The following PSMD9 variants were observed in gnomAD, a reference collection of about 807,000 sequenced individuals.
PSMD9 encodes the protein proteasome 26S subunit, non-ATPase 9.
Under a neutral mutation model 25.9 loss-of-function variants are expected in PSMD9, and 26 were observed. The observed-to-expected ratio is 1.00, with a 90% CI of 0.73 to 1.39. The LOEUF is 1.39. Ranked by LOEUF, PSMD9 falls within the 40% of genes most tolerant of loss-of-function variation. The pLI is 0.00. For missense variants in PSMD9, 303 were observed against 299.3 expected (o/e 1.01, Z -0.09); for synonymous variants, 110 against 114.5 (o/e 0.96, Z 0.25).
chr12:121,913,219 C>T (rs1461337880), intron 4 of PSMD9, among the ~76,000 whole-genome samples: 3 of 152,042 alleles, frequency 2.0e-5, no homozygotes, highest in East Asian at 3.9e-4. Flanking sequence ...GCTGGGATTA[C>T]AGGCGTGAGC....
rs1879879146 is a variant in PSMD9 at position 121,915,800 on chromosome 12, C to G, written c.556-56C>G. 2.1e-6 allele frequency: 3 copies of G among 1,418,600 alleles called. No individual in the cohort carries two copies. In the East Asian group the frequency reaches 7.1e-5, roughly 33 times the overall value. 87.9% of individuals were successfully genotyped at this position (1,418,600 alleles called of 1,614,324 possible). ...AAAAATGGGATCTCAGCATTTTAGC[C>G]TGCATCTCTGAGTACTAACGAGGCT... On this transcript the variant is annotated intron_variant, in intron 4 of 5. Coordinates refer to ENST00000541212, the MANE Select transcript of PSMD9 (RefSeq NM_002813.7).
In PSMD9 at chr12:121,888,877, G is replaced by A. The variant is rs2137670396; in HGVS notation, c.21G>A (p.Arg7=). 6.2e-7 allele frequency: 1 copy of A among 1,603,992 alleles called. No individual in the cohort carries two copies. The highest frequency in any genetic ancestry group is 1.1e-5 in the South Asian group (1 of 89,394). The change falls in exon 1 of 6, where the codon AGG becomes AGA. Residue 7 remains arginine, a synonymous_variant. Coordinates refer to ENST00000541212, the MANE Select transcript of PSMD9 (RefSeq NM_002813.7). ...TCACGATGTCCGACGAGGAAGCGAGGCAGAGCGGAGGCTCCTCGCAGGCCG... is the reference window on the plus strand; with the variant it reads ...TCACGATGTCCGACGAGGAAGCGAGACAGAGCGGAGGCTCCTCGCAGGCCG... MSDEEA[R]QSGGSSQAGV... is the part of the protein sequence containing the mutation.
rs1331388686 is a variant in PSMD9 at position 121,905,225 on chromosome 12, C to CT, written c.555+2131dup. ...CCATGAGTTTTCTTCTTTTTCTTTT[C>CT]TTTTTTTTTTTTTAGATGGAGTCTT... On this transcript the variant is annotated intron_variant, in intron 4 of 5. Coordinates refer to ENST00000541212, the MANE Select transcript of PSMD9 (RefSeq NM_002813.7). Among the ~76,000 whole-genome samples, 635 of 137,722 alleles carry CT rather than the reference C, an allele frequency of 4.6e-3. 5 individuals are homozygous for CT. The highest frequency in any genetic ancestry group is 0.018 in the Admixed American group (248 of 13,760). The allele number at this position is 137,722 out of a possible 152,430, so 90.4% of individuals were successfully genotyped here.
chr12:121,913,555 A>T lies in PSMD9; in HGVS notation c.556-2301A>T, dbSNP rs1345880603. 4.0e-5 allele frequency among the ~76,000 whole-genome samples: 6 copies of T among 148,516 alleles called. No individual in the cohort carries two copies. In the East Asian group the frequency reaches 1.2e-3, roughly 29 times the overall value. The stretch of plus-strand genomic sequence containing the variant: ...CACCCAGGCTGGAGTGCAGTGGCAC[A>T]TTCATGGCTCACTGCAGCCTTGAGC... On this transcript the variant is annotated intron_variant, in intron 4 of 5. Transcript: ENST00000541212.
At chr12:121,903,210 G>A in intron 4 of PSMD9, 103 bp downstream of exon 4, 2 of 1,065,812 alleles carry the variant, frequency 1.9e-6, no homozygotes, top group Non-Finnish European at 2.8e-6. Context: ...TCACAGCTCT[G>A]GAGGCAGGGA....
Position 121,892,386 on chromosome 12 carries a change from A to G in PSMD9, c.139-2353A>G, listed in dbSNP as rs367870164. Among the ~76,000 whole-genome samples the G allele has an allele frequency of 2.0e-4, 30 of 152,204 alleles. No homozygotes were observed. The East Asian group carries it at 5.8e-3, about 29-fold the overall frequency. On this transcript the variant is annotated intron_variant, in intron 1 of 5. Coordinates refer to ENST00000541212, the MANE Select transcript of PSMD9 (RefSeq NM_002813.7). ...TGAGACTAGCCTGGGCAACACAGTA[A>G]GAGCCTATCTTTACAAAAAATTCAA...
At chr12:121,893,327 G>A (rs1021146541) in intron 1 of PSMD9, among the ~76,000 whole-genome samples, 28 of 152,300 alleles carry the variant, frequency 1.8e-4, no homozygotes, top group African/African-American at 5.8e-4. Context: ...GGTGTAACCC[G>A]GAGGCTTCCA....
chr12:121,903,551 A>T (rs534777665), intron 4 of PSMD9, among the ~76,000 whole-genome samples: 1 of 152,176 alleles, frequency 6.6e-6, no homozygotes, highest in African/African-American at 2.4e-5. Context: ...TGCTGCCTTC[A>T]TGGTGTTGCT....
At chr12:121,910,470 T>C (rs941281214) in intron 4 of PSMD9, among the ~76,000 whole-genome samples, 40 of 151,732 alleles carry the variant, frequency 2.6e-4, no homozygotes, top group African/African-American at 9.4e-4. Context: ...ATATAAAAAT[T>C]ACCATTTTAG....
At chr12:121,905,445 C>T (rs536749546) in intron 4 of PSMD9, among the ~76,000 whole-genome samples, 24 of 151,214 alleles carry the variant, frequency 1.6e-4, no homozygotes, top group South Asian at 4.2e-4. Flanking sequence ...AGGATGGTCT[C>T]GATCTCCTGA....
intron 3 of PSMD9, 162 bp downstream of exon 3, chr12:121,900,007 T>G (rs372597145): frequency 2.7e-5 from 23 of 838,176 alleles, no homozygotes; most frequent in East Asian, 8.0e-5. Context: ...TATCCAGCCC[T>G]GTGCTGGGGG....
Position 121,916,388 on chromosome 12 carries a change from C to T in PSMD9, c.*77C>T. ...GGTCTAGGGATTTCCAACTTGTCTT[C>T]TCTCCCTGAAGCATAAGGATCTGGA... On this transcript the variant is annotated 3_prime_UTR_variant, in exon 6 of 6. Transcript: ENST00000541212. 3.9e-6 allele frequency: 6 copies of T among 1,541,550 alleles called. No homozygotes were observed. The highest frequency in any genetic ancestry group is 5.4e-6 in the Non-Finnish European group (6 of 1,113,968).
At chr12:121,911,199 A>G (rs1879710502) in intron 4 of PSMD9, among the ~76,000 whole-genome samples, 1 of 152,036 alleles carries the variant, frequency 6.6e-6, no homozygotes, top group Non-Finnish European at 1.5e-5. Flanking sequence ...GCCACCAGGC[A>G]TGGCTAATTT....
chr12:121,900,755 G>C (rs562486036), intron 3 of PSMD9, among the ~76,000 whole-genome samples: 1 of 151,158 alleles, frequency 6.6e-6, no homozygotes, highest in South Asian at 2.1e-4. Context: ...GGAGGCTTAG[G>C]TGGGCGATCA....
chr12:121,909,943 C>T (rs1229052772), intron 4 of PSMD9, among the ~76,000 whole-genome samples: 1 of 152,138 alleles, frequency 6.6e-6, no homozygotes, highest in Non-Finnish European at 1.5e-5. Flanking sequence ...TAGATCTTGT[C>T]AAGGTGTCCT....
At chr12:121,912,025 A>ATTTG (rs1879738985) in intron 4 of PSMD9, among the ~76,000 whole-genome samples, 1 of 145,980 alleles carries the variant, frequency 6.9e-6, no homozygotes, top group Non-Finnish European at 1.5e-5. Context: ...TTATTTATTT[A>ATTTG]TTTATTTATT....
rs1879939753 is a variant in PSMD9, at chr12:121,917,232, CT to C, written c.*922del. ...GAACTCCTGGGCTCAAGCAGTCCTC[CT>C]GCCTTGGCCTCCTAAAGTGCTGGGA... On this transcript the variant is annotated 3_prime_UTR_variant, in exon 6 of 6. Coordinates refer to ENST00000541212, the MANE Select transcript of PSMD9 (RefSeq NM_002813.7). 1.6e-5 allele frequency: 1 copy of C among 62,966 alleles called. No homozygotes were observed. The highest frequency in any genetic ancestry group is 1.4e-4 in the Admixed American group (1 of 7,094). The allele number at this position is 62,966 out of a possible 1,614,324, so 3.9% of individuals were successfully genotyped here. A position where few individuals can be genotyped will look rare whatever the true frequency, so the allele number is the denominator to read the frequency against.
intron 3 of PSMD9, 37 bp downstream of exon 3, chr12:121,899,882 G>A (rs1277355027): frequency 6.2e-7 from 1 of 1,609,618 alleles, no homozygotes; most frequent in South Asian, 1.1e-5. Flanking sequence ...CCATGCCCAG[G>A]GGACACGGTG....
At chr12:121,898,171 C>T (rs933793433) in intron 2 of PSMD9, 1 of 152,202 alleles carries the variant, frequency 6.6e-6, no homozygotes, top group African/African-American at 2.4e-5. Flanking sequence ...ACTTGAATCC[C>T]TTCATGACTG....
Sources: gnomAD v4.1 joint callset for allele counts (sites outside exome capture counted in the v4.1 genomes callset) on GRCh38, gnomAD v4.1.1 for gene constraint, MANE v1.5 for transcripts, NCBI Gene and HGNC (gene_info 2026-07-23, HGNC 2026-07-21) for gene names.